Variants in AGMO observed in about 807,000 individuals in gnomAD.
The protein encoded by AGMO is alkylglycerol monooxygenase, also known as glyceryl-ether monooxygenase.
AGMO carries 75 observed loss-of-function variants against 60.2 expected under a neutral mutation model. The observed-to-expected ratio is 1.25, with a 90% CI of 1.03 to 1.51. The LOEUF is 1.51. Among genes scored for constraint, AGMO ranks in the 40% most tolerant of loss-of-function variants. The pLI is 0.00. For synonymous variants in AGMO, 261 were observed against 177.1 expected, an observed-to-expected ratio of 1.47 and a Z score of -3.76; for missense variants, 763 against 525.5, an observed-to-expected ratio of 1.45 and a Z score of -4.42.
chr7:15,348,792 T>C (rs571735742), intron 12 of AGMO, among the ~76,000 whole-genome samples: 1 of 152,070 alleles, frequency 6.6e-6, no homozygotes, highest in Non-Finnish European at 1.5e-5. Flanking sequence ...TTGGTTGGTT[T>C]AACAGTAAAT....
intron 4 of AGMO, 87 bp downstream of exon 4, chr7:15,430,918 G>GTTTTTTTTTTTT (rs71004378): frequency 2.5e-6 from 1 of 394,274 alleles, no homozygotes; most frequent in Non-Finnish European, 4.2e-6. Context: ...CCTTCTATTA[G>GTTTTTTTTTTTT]TTTTTTTTTT....
chr7:15,149,267 G>A, the AGMO span, among the ~76,000 whole-genome samples: 2 of 152,124 alleles, frequency 1.3e-5, no homozygotes, highest in African/African-American at 4.8e-5. Flanking sequence ...TCTGTAGGTT[G>A]TGTGTTTACT....
intron 12 of AGMO, among the ~76,000 whole-genome samples, chr7:15,354,384 GTGTGTGTATACA>G (rs1563105136): frequency 0.14 from 676 of 4,962 alleles, 148 homozygotes; most frequent in African/African-American, 0.38. Flanking sequence ...GTGTATACAC[GTGTGTGTATACA>G]CGTGTGTGTA....
chr7:15,404,477 G>A (rs909830648), intron 5 of AGMO, among the ~76,000 whole-genome samples: 1 of 151,832 alleles, frequency 6.6e-6, no homozygotes, highest in Non-Finnish European at 1.5e-5. Context: ...AAACAACACG[G>A]AGTAGATTTA....
intron 10 of AGMO, among the ~76,000 whole-genome samples, chr7:15,383,252 A>T (rs1783766900): frequency 6.6e-6 from 1 of 152,192 alleles, no homozygotes; most frequent in Non-Finnish European, 1.5e-5. Flanking sequence ...CACAGTTTAC[A>T]GGAGAATTTG....
At chr7:15,397,483 G>A (rs1046190788) in intron 5 of AGMO, among the ~76,000 whole-genome samples, 1 of 152,126 alleles carries the variant, frequency 6.6e-6, no homozygotes, top group South Asian at 2.1e-4. Context: ...AGGGCTCCTC[G>A]AGCGCGGCCA....
chr7:15,335,106 CAAAT>C (rs1781616050), intron 12 of AGMO, among the ~76,000 whole-genome samples: 1 of 152,112 alleles, frequency 6.6e-6, no homozygotes, highest in Non-Finnish European at 1.5e-5. Flanking sequence ...TATAGTAACA[CAAAT>C]AAACTAATGT....
chr7:15,126,641 T>C, the AGMO span, among the ~76,000 whole-genome samples: 4 of 152,076 alleles, frequency 2.6e-5, no homozygotes, highest in Non-Finnish European at 4.4e-5. Context: ...TAACCGTGGA[T>C]ATTGTGACTT....
At chr7:15,309,252 C>T (rs890155386) in intron 12 of AGMO, among the ~76,000 whole-genome samples, 5 of 152,126 alleles carry the variant, frequency 3.3e-5, no homozygotes, top group African/African-American at 1.2e-4. Flanking sequence ...AGCAGTTTTA[C>T]AGACAGGCAA....
At chr7:15,561,605 T>C in intron 1 of AGMO, 115 bp downstream of exon 1, 2 of 1,039,238 alleles carry the variant, frequency 1.9e-6, no homozygotes, top group Non-Finnish European at 2.6e-6. Context: ...GAATTATTAT[T>C]ATTAGAATGT....
At chr7:15,485,142 C>CAAAAA (rs34731268) in intron 3 of AGMO, among the ~76,000 whole-genome samples, 20 of 97,782 alleles carry the variant, frequency 2.0e-4, no homozygotes, top group Admixed American at 3.4e-4. Flanking sequence ...ACTAAAAATA[C>CAAAAA]AAAAAAAAAA....
At chr7:15,416,586 A>T (rs577364248) in intron 5 of AGMO, among the ~76,000 whole-genome samples, 1 of 152,282 alleles carries the variant, frequency 6.6e-6, no homozygotes, top group South Asian at 2.1e-4. Context: ...TGTTAGGAGA[A>T]GTGAAACAAT....
chr7:15,322,620 A>AT (rs1491415659), intron 12 of AGMO, among the ~76,000 whole-genome samples: 2 of 57,728 alleles, frequency 3.5e-5, no homozygotes, highest in Non-Finnish European at 5.5e-5. Context: ...ATAAATATAT[A>AT]AATATATATA....
At chr7:15,190,126 TTTATATATA>T in the AGMO span, among the ~76,000 whole-genome samples, 1 of 1,412 alleles carries the variant, frequency 7.1e-4, no homozygotes, top group African/African-American at 2.5e-3. Context: ...TATATATATA[TTTATATATA>T]TATATATATA....
chr7:15,401,365 A>G (rs1207884192), intron 5 of AGMO, among the ~76,000 whole-genome samples: 1 of 152,096 alleles, frequency 6.6e-6, no homozygotes, highest in African/African-American at 2.4e-5. Flanking sequence ...TGGCTTGGTT[A>G]AAAGTAGAGA....
chr7:15,216,833 A>AGTGTGTGTGTGTGTGTGTGTGT (rs1181410197), intron 12 of AGMO, among the ~76,000 whole-genome samples: 2 of 147,024 alleles, frequency 1.4e-5, no homozygotes, highest in African/African-American at 2.5e-5. Context: ...TGAAAGAAAA[A>AGTGTGTGTGTGTGTGTGTGTGT]GTGTGTGTGT....
At chr7:15,326,096 T>C (rs1781332046) in intron 12 of AGMO, among the ~76,000 whole-genome samples, 1 of 152,172 alleles carries the variant, frequency 6.6e-6, no homozygotes, top group South Asian at 2.1e-4. Flanking sequence ...TAAACTGGGA[T>C]ATTACTCTTA....
At chr7:15,215,200 C>T (rs1252628826) in intron 12 of AGMO, among the ~76,000 whole-genome samples, 2 of 152,030 alleles carry the variant, frequency 1.3e-5, no homozygotes, top group African/African-American at 4.8e-5. Flanking sequence ...AAGCAAGACT[C>T]GTAGAGAAAC....
intron 3 of AGMO, among the ~76,000 whole-genome samples, chr7:15,499,932 C>CACACAAAT (rs146144087): frequency 7.2e-6 from 1 of 139,002 alleles, no homozygotes. Flanking sequence ...CACACACACA[C>CACACAAAT]ATATATATAT....
Sources: allele counts gnomAD v4.1 joint callset (sites outside exome capture counted in the v4.1 genomes callset), GRCh38; gene constraint gnomAD v4.1.1; transcripts MANE v1.5; gene names NCBI Gene and HGNC (gene_info 2026-07-23, HGNC 2026-07-21).